Variants in RARS1 observed in about 807,000 individuals in gnomAD.
RARS1 encodes the protein arginine--tRNA ligase, cytoplasmic.
In RARS1, 75 loss-of-function variants were observed where a neutral mutation model predicts 78.7. The observed-to-expected ratio is 0.95, with a 90% CI of 0.79 to 1.15. The LOEUF (loss-of-function observed/expected upper bound fraction) is 1.15, where lower values mean the gene tolerates loss of function less well. Among genes scored for constraint, RARS1 ranks in the 50% most tolerant of loss-of-function variants. RARS1 has a pLI of 0.00. For missense variants in RARS1, 787 were observed against 787.5 expected, an observed-to-expected ratio of 1.00 and a Z score of 0.01; for synonymous variants, 273 against 268.2, an observed-to-expected ratio of 1.02 and a Z score of -0.18.
chr5:168,486,811 C>T (rs1280031960), intron 1 of RARS1, among the ~76,000 whole-genome samples: 3 of 152,134 alleles, frequency 2.0e-5, no homozygotes, highest in Admixed American at 6.6e-5. Context: ...TGGGCTGGAG[C>T]CTGGCATGTT....
chr5:168,517,236 G>A (rs543300977), intron 13 of RARS1, among the ~76,000 whole-genome samples: 2 of 151,908 alleles, frequency 1.3e-5, no homozygotes, highest in African/African-American at 2.4e-5. Flanking sequence ...TCCACCTCCC[G>A]GGTTCAGGTG....
rs1136673 is a variant in RARS1 at position 168,500,698 on chromosome 5, T to A, written c.930T>A (p.Leu310=). The A allele has an allele frequency of 6.2e-7, 1 of 1,611,418 alleles. No homozygotes were observed. Among genetic ancestry groups the A allele is most frequent in the African/African-American group, 1.3e-5 (1 of 74,790 alleles). The change falls in exon 8 of 15, where the codon CTT becomes CTA. Residue 310 remains leucine (L), a synonymous_variant. Coordinates refer to ENST00000231572, the MANE Select transcript of RARS1 (RefSeq NM_002887.4). ...KNPDITKAWK[L]ICDVSRQELN... Reference sequence around the variant, plus strand: ...CAGATATTACAAAAGCTTGGAAGCTTATCTGTGATGTCTCCCGCCAAGGTG... The same window carrying A: ...CAGATATTACAAAAGCTTGGAAGCTAATCTGTGATGTCTCCCGCCAAGGTG...
At position 168,502,245 on chromosome 5, in the gene RARS1, T is replaced by C. The variant is rs959310715; in HGVS notation, c.1057+140T>C. On this transcript the variant is annotated intron_variant, in intron 9 of 14. Coordinates refer to ENST00000231572, the MANE Select transcript of RARS1 (RefSeq NM_002887.4). ...GGGTACTGACCAACCTTATTGTATC[T>C]ATACCTTCTTACACTGCTTCCCTCA... The C allele has an allele frequency of 7.3e-6, 9 of 1,232,124 alleles. 1 individual carries two copies. The East Asian group carries it at 2.4e-4, about 33-fold the overall frequency. The allele number at this position is 1,232,124 out of a possible 1,614,324, so 76.3% of individuals were successfully genotyped here. A position where few individuals can be genotyped will look rare whatever the true frequency, so the allele number is the denominator to read the frequency against.
Position 168,510,476 on chromosome 5 carries a change from CAT to C in RARS1, c.1347-102_1347-101del, listed in dbSNP as rs750034287. On this transcript the variant is annotated intron_variant, in intron 11 of 14. Coordinates refer to ENST00000231572, the MANE Select transcript of RARS1 (RefSeq NM_002887.4). Reference sequence around the variant, plus strand: ...CAATATGTACCTTAGAGATTTAAAACATATGTTGCAGTTTTGTGGTCAGGTCT... The same window carrying C: ...CAATATGTACCTTAGAGATTTAAAACATGTTGCAGTTTTGTGGTCAGGTCT... 18 of 789,154 alleles carry C rather than the reference CAT, an allele frequency of 2.3e-5. No homozygotes were observed. In the East Asian group the frequency reaches 3.2e-4, roughly 14 times the overall value. 48.9% of individuals were successfully genotyped at this position (789,154 alleles called of 1,614,324 possible).
At chr5:168,515,448 A>G (rs1758645960) in intron 12 of RARS1, among the ~76,000 whole-genome samples, 1 of 152,170 alleles carries the variant, frequency 6.6e-6, no homozygotes, top group South Asian at 2.1e-4. Context: ...AATTACAGGC[A>G]TGAGCATTAC....
intron 1 of RARS1, 94 bp from the exon 2 acceptor site, chr5:168,488,508 A>G (rs1662573441): frequency 7.5e-7 from 1 of 1,331,906 alleles, no homozygotes; most frequent in South Asian, 1.4e-5. Context: ...CAAAGGGAAC[A>G]TTAATGATTC....
Position 168,494,537 on chromosome 5 carries a change from T to G in RARS1, c.479-13T>G, listed in dbSNP as rs535565853. The G allele has an allele frequency of 3.1e-6, 5 of 1,605,792 alleles. No homozygotes were observed. Among genetic ancestry groups the G allele is most frequent in the African/African-American group, 1.3e-5 (1 of 74,838 alleles). ...AAGACAGTATCTGATATTTTTTCTC[T>G]TCTATCCATTAGGTTTTATTAATGT... On this transcript the variant is annotated splice_polypyrimidine_tract_variant and intron_variant, in intron 4 of 14. Transcript: ENST00000231572.
chr5:168,500,762 G>C, intron 8 of RARS1, 42 bp downstream of exon 8: 1 of 1,586,218 alleles, frequency 6.3e-7, no homozygotes, highest in Non-Finnish European at 8.6e-7. Flanking sequence ...CAAATACTAT[G>C]TATATCATTT....
chr5:168,492,056 G>A (rs1233096963), intron 2 of RARS1, among the ~76,000 whole-genome samples: 3 of 149,806 alleles, frequency 2.0e-5, no homozygotes, highest in South Asian at 4.2e-4. Flanking sequence ...GCATCCAGCA[G>A]TCTAGTGGTA....
At position 168,506,542 on chromosome 5, in the gene RARS1, G is replaced by A. The variant is rs77771045; in HGVS notation, c.1237-180G>A. ...TTTGAACATAGTAGAAAATGTAACA[G>A]TGTTGCTCTTAGTGTTTCTCATATA... On this transcript the variant is annotated intron_variant, in intron 10 of 14. Transcript: ENST00000231572. Among the ~76,000 whole-genome samples the A allele has an allele frequency of 0.019, 2,939 of 152,242 alleles. 92 individuals carry two copies. The highest frequency in any genetic ancestry group is 0.067 in the African/African-American group (2,762 of 41,532).
At chr5:168,488,209 C>T (rs1282247551) in intron 1 of RARS1, 1 of 385,988 alleles carries the variant, frequency 2.6e-6, no homozygotes, top group Non-Finnish European at 5.2e-6. Flanking sequence ...CTCACCGCAA[C>T]CTCAGCCTCT....
chr5:168,509,390 G>C (rs1433592050), intron 11 of RARS1, among the ~76,000 whole-genome samples: 1 of 146,936 alleles, frequency 6.8e-6, no homozygotes, highest in African/African-American at 2.5e-5. Flanking sequence ...GGTACTCTTT[G>C]TGTTAGAAAA....
intron 7 of RARS1, 135 bp downstream of exon 7, chr5:168,497,483 A>C: frequency 1.6e-6 from 1 of 634,962 alleles, no homozygotes; most frequent in Non-Finnish European, 2.4e-6. Context: ...TTAGTAATAC[A>C]TGTCTCTGTA....
At chr5:168,511,711 A>G (rs943132200) in intron 12 of RARS1, among the ~76,000 whole-genome samples, 2 of 152,200 alleles carry the variant, frequency 1.3e-5, no homozygotes, top group Admixed American at 1.3e-4. Context: ...GAATTTTTAC[A>G]TATATATGCC....
chr5:168,516,036 C>T (rs1245434321), intron 12 of RARS1, among the ~76,000 whole-genome samples: 1 of 152,048 alleles, frequency 6.6e-6, no homozygotes, highest in Non-Finnish European at 1.5e-5. Flanking sequence ...TCCCCTTTGT[C>T]CACTATGTAG....
At chr5:168,491,902 AG>A (rs1758093564) in intron 2 of RARS1, among the ~76,000 whole-genome samples, 1 of 149,574 alleles carries the variant, frequency 6.7e-6, no homozygotes, top group African/African-American at 2.4e-5. Context: ...AAAGGTGTAT[AG>A]GCAGCATGTT....
At chr5:168,487,259 G>C (rs560528751) in intron 1 of RARS1, among the ~76,000 whole-genome samples, 1 of 151,936 alleles carries the variant, frequency 6.6e-6, no homozygotes, top group Non-Finnish European at 1.5e-5. Flanking sequence ...CTAGCTACTC[G>C]GGAGGCTGAG....
chr5:168,514,320 T>C (rs533912130), intron 12 of RARS1, among the ~76,000 whole-genome samples: 1 of 152,318 alleles, frequency 6.6e-6, no homozygotes, highest in South Asian at 2.1e-4. Flanking sequence ...TTCCGCATTC[T>C]GTTATTTTTG....
chr5:168,491,865 G>A (rs760344627), intron 2 of RARS1, among the ~76,000 whole-genome samples: 2 of 150,038 alleles, frequency 1.3e-5, no homozygotes, highest in African/African-American at 2.4e-5. Flanking sequence ...TGATGAACAT[G>A]TTGATGAACA....
Sources: allele counts gnomAD v4.1 joint callset (sites outside exome capture counted in the v4.1 genomes callset), GRCh38; gene constraint gnomAD v4.1.1; transcripts MANE v1.5; gene names NCBI Gene and HGNC (gene_info 2026-07-23, HGNC 2026-07-21).